BARD1: variants seen among roughly 807,000 people sequenced by gnomAD.
The protein encoded by BARD1 is BRCA1 associated RING domain 1.
BARD1 carries 73 observed loss-of-function variants against 77.0 expected under a neutral mutation model. That is an observed-to-expected ratio of 0.95 (90% CI 0.79 to 1.15). The LOEUF is 1.15. BARD1 is among the 50% of genes most tolerant of loss of function. The pLI, the probability that BARD1 is intolerant of heterozygous loss-of-function variation, is 0.00. For synonymous variants in BARD1, 384 were observed against 338.0 expected, an observed-to-expected ratio of 1.14 and a Z score of -1.49; for missense variants, 993 against 938.8, an observed-to-expected ratio of 1.06 and a Z score of -0.75.
chr2:214,745,881 G>A (rs1674627711), intron 7 of BARD1, 27 bp from the exon 8 acceptor site: 1 of 1,612,956 alleles, frequency 6.2e-7, no homozygotes, highest in Non-Finnish European at 8.5e-7. Context: ...AGATACCAGT[G>A]TTAAAAACAT....
At chr2:214,784,517 T>C (rs907603117) in intron 3 of BARD1, among the ~76,000 whole-genome samples, 1 of 152,076 alleles carries the variant, frequency 6.6e-6, no homozygotes, top group Admixed American at 6.5e-5. Flanking sequence ...CCCAGCAATC[T>C]CATTACTGGG....
rs1692161528 is a variant in BARD1, at chr2:214,728,132, C to A, written c.*544G>T. ...GGGATGAAAGTGTAGAAACACACAA[C>A]AAAGTAAATTATTAAGAAAAGAAAT... On this transcript the variant is annotated 3_prime_UTR_variant, in exon 11 of 11. Transcript: ENST00000260947. 2 of 229,024 alleles carry A rather than the reference C, an allele frequency of 8.7e-6. No homozygotes were observed. Among genetic ancestry groups the A allele is most frequent in the Non-Finnish European group, 1.7e-5 (2 of 115,716 alleles). 14.2% of individuals were successfully genotyped at this position (229,024 alleles called of 1,614,324 possible). A position where few individuals can be genotyped will look rare whatever the true frequency, so the allele number is the denominator to read the frequency against.
At chr2:214,769,156 T>C in intron 5 of BARD1, 76 bp downstream of exon 5, 1 of 1,242,412 alleles carries the variant, frequency 8.0e-7, no homozygotes, top group South Asian at 1.2e-5. Flanking sequence ...GAGGATGATA[T>C]ATAGACAACT....
intron 6 of BARD1, among the ~76,000 whole-genome samples, chr2:214,766,160 T>C (rs1011633541): frequency 4.6e-5 from 7 of 152,198 alleles, no homozygotes; most frequent in African/African-American, 1.7e-4. Flanking sequence ...AAAATCTACA[T>C]ACAGCATTTG....
At position 214,790,781 on chromosome 2, in the gene BARD1, A is replaced by G. The variant is rs556843833; in HGVS notation, c.364+1516T>C. On this transcript the variant is annotated intron_variant, in intron 3 of 10. Coordinates refer to ENST00000260947, the MANE Select transcript of BARD1 (RefSeq NM_000465.4). The stretch of plus-strand genomic sequence containing the variant: ...GACCACACACTCCTAAGAATCTAAC[A>G]AAAGTCACTTTCACACAAACATGAA... Among the ~76,000 whole-genome samples, 6 of 152,270 alleles carry G rather than the reference A, an allele frequency of 3.9e-5. No homozygotes were observed. The South Asian group carries it at 1.2e-3, about 32-fold the overall frequency.
In BARD1 at chr2:214,762,777, C is replaced by A. The variant is rs138554608; in HGVS notation, c.1568+4705G>T. Among the ~76,000 whole-genome samples, 10 of 152,266 alleles carry A rather than the reference C, an allele frequency of 6.6e-5. No individual in the cohort carries two copies. In the South Asian group the frequency reaches 8.3e-4, roughly 13 times the overall value. On this transcript the variant is annotated intron_variant, in intron 6 of 10. Transcript: ENST00000260947. ...TCGGTACTCCACTAGAATCTATGTA[C>A]GTACCCAACTTCAAAACATCCTAAT... is the stretch of plus-strand genomic sequence containing the variant.
At chr2:214,806,906 A>T (rs1696303320) in intron 1 of BARD1, among the ~76,000 whole-genome samples, 1 of 148,802 alleles carries the variant, frequency 6.7e-6, no homozygotes, top group Non-Finnish European at 1.5e-5. Flanking sequence ...ACCCCATGTG[A>T]TATAAAATTG....
intron 4 of BARD1, among the ~76,000 whole-genome samples, chr2:214,769,996 A>T (rs1694403741): frequency 6.6e-6 from 1 of 152,126 alleles, no homozygotes; most frequent in Non-Finnish European, 1.5e-5. Context: ...AACAACCAAA[A>T]CTGTTTAGCC....
intron 4 of BARD1, among the ~76,000 whole-genome samples, chr2:214,774,804 T>C (rs1694666937): frequency 6.6e-6 from 1 of 152,252 alleles, no homozygotes; most frequent in Admixed American, 6.5e-5. Flanking sequence ...ATAATTATCT[T>C]GGCTAGATCT....
chr2:214,785,854 CACAG>C (rs1190556822), intron 3 of BARD1, among the ~76,000 whole-genome samples: 3 of 151,940 alleles, frequency 2.0e-5, no homozygotes, highest in Admixed American at 1.3e-4. Context: ...TCCTAATTAA[CACAG>C]ACAATCTCCT....
At chr2:214,731,071 G>A (rs1252893294) in intron 9 of BARD1, 4 of 294,636 alleles carry the variant, frequency 1.4e-5, no homozygotes, top group Non-Finnish European at 2.1e-5. Context: ...CTTGGGATAG[G>A]TTTGGCATGT....
At chr2:214,766,861 GGTTT>G (rs1489543129) in intron 6 of BARD1, among the ~76,000 whole-genome samples, 1 of 151,864 alleles carries the variant, frequency 6.6e-6, no homozygotes, top group Non-Finnish European at 1.5e-5. Flanking sequence ...AAGTTGTGAA[GGTTT>G]GTTATATAGG....
rs1692068395 is a variant in BARD1, at chr2:214,725,979, C to T, written c.*2697G>A. The T allele has an allele frequency of 4.4e-6, 1 of 226,034 alleles. No homozygotes were observed. Among genetic ancestry groups the T allele is most frequent in the East Asian group, 6.4e-5 (1 of 15,718 alleles). 14.0% of individuals were successfully genotyped at this position (226,034 alleles called of 1,614,324 possible). Reference sequence around the variant, plus strand: ...TATTCCCACAGGAAACATCAAACCTCCCCAAATATCATCCTCTAGGCAGAG... The same window carrying T: ...TATTCCCACAGGAAACATCAAACCTTCCCAAATATCATCCTCTAGGCAGAG... On this transcript the variant is annotated 3_prime_UTR_variant, in exon 11 of 11. Coordinates refer to ENST00000260947, the MANE Select transcript of BARD1 (RefSeq NM_000465.4).
At position 214,776,725 on chromosome 2, in the gene BARD1, CT is replaced by C. The variant is rs374541167; in HGVS notation, c.1314+3834del. On this transcript the variant is annotated intron_variant, in intron 4 of 10. Coordinates refer to ENST00000260947, the MANE Select transcript of BARD1 (RefSeq NM_000465.4). ...CACGAATAATCCCCAGAACCTGTGA[CT>C]ATGTTACCTTACGTGGTGAAAGGGA... 2.4e-4 allele frequency among the ~76,000 whole-genome samples: 37 copies of C among 152,296 alleles called. No homozygotes were observed. In the East Asian group the frequency reaches 5.0e-3, roughly 21 times the overall value.
At chr2:214,797,033 C>T in intron 2 of BARD1, 28 bp downstream of exon 2, 1 of 1,538,606 alleles carries the variant, frequency 6.5e-7, no homozygotes, top group South Asian at 1.1e-5. Context: ...TACAGTTGTA[C>T]TATATACATC....
intron 3 of BARD1, among the ~76,000 whole-genome samples, chr2:214,790,748 T>C (rs1238327144): frequency 6.6e-6 from 1 of 152,096 alleles, no homozygotes; most frequent in African/African-American, 2.4e-5. Context: ...AAGCCAATAA[T>C]CCTAACAGAC....
rs903804005 is a variant in BARD1 at position 214,800,598 on chromosome 2, A to C, written c.159-3481T>G. Among the ~76,000 whole-genome samples the C allele has an allele frequency of 4.5e-4, 68 of 152,232 alleles. 2 individuals are homozygous for C. ...TATTACAACTAGGAGATACCTATCA[A>C]GAATATAAATGCATCCAACTTTAAC... On this transcript the variant is annotated intron_variant, in intron 1 of 10. Coordinates refer to ENST00000260947, the MANE Select transcript of BARD1 (RefSeq NM_000465.4).
At chr2:214,754,252 T>G (rs1354762715) in intron 6 of BARD1, among the ~76,000 whole-genome samples, 2 of 150,946 alleles carry the variant, frequency 1.3e-5, no homozygotes. Flanking sequence ...ATGGCCACAT[T>G]ATATGCCATC....
At chr2:214,792,861 C>CA in intron 2 of BARD1, among the ~76,000 whole-genome samples, 1 of 152,148 alleles carries the variant, frequency 6.6e-6, no homozygotes. Flanking sequence ...ACTAGTATCT[C>CA]AAGGCTTTAA....
Sources: allele counts gnomAD v4.1 joint callset (sites outside exome capture counted in the v4.1 genomes callset), GRCh38; gene constraint gnomAD v4.1.1; transcripts MANE v1.5; gene names NCBI Gene and HGNC (gene_info 2026-07-23, HGNC 2026-07-21).